VDAC3: variants seen among roughly 807,000 people sequenced by gnomAD.
VDAC3 encodes the protein non-selective voltage-gated ion channel VDAC3.
A neutral mutation model predicts 33.9 loss-of-function variants in VDAC3; 7 were observed. The observed-to-expected ratio is 0.21, with a 90% confidence interval of 0.12 to 0.39. The LOEUF (loss-of-function observed/expected upper bound fraction) is 0.39, where lower values mean the gene tolerates loss of function less well. Ranked by LOEUF, VDAC3 falls within the 10% of genes least tolerant of loss-of-function variation. The pLI is 1.00. For synonymous variants in VDAC3, 100 were observed against 122.4 expected, an observed-to-expected ratio of 0.82 and a Z score of 1.21; for missense variants, 261 against 334.5, an observed-to-expected ratio of 0.78 and a Z score of 1.71.
chr8:42,392,647 A>G (rs896094348), intron 1 of VDAC3, among the ~76,000 whole-genome samples: 3 of 152,254 alleles, frequency 2.0e-5, no homozygotes, highest in African/African-American at 7.2e-5. Context: ...TGACTTTTGC[A>G]TAGTATCTCG....
chr8:42,396,590 AT>A, intron 4 of VDAC3: 1 of 669,648 alleles, frequency 1.5e-6, no homozygotes, highest in Non-Finnish European at 2.7e-6. Flanking sequence ...AGGTTCCAGA[AT>A]TTGCTCATTA....
intron 7 of VDAC3, chr8:42,402,304 G>C: frequency 2.2e-6 from 1 of 456,774 alleles, no homozygotes; most frequent in Non-Finnish European, 3.9e-6. Context: ...CTTACCTCAT[G>C]GTAAGATGAC....
Position 42,395,078 on chromosome 8 carries a change from G to T in VDAC3, c.68-6G>T. ...TTACTGTGTTTTTGTGTGTGTGTGTGTATAGGCTTTGGCATGGTCAAGATA... is the reference window on the plus strand; with the variant it reads ...TTACTGTGTTTTTGTGTGTGTGTGTTTATAGGCTTTGGCATGGTCAAGATA... On this transcript the variant is annotated splice_region_variant and splice_polypyrimidine_tract_variant and intron_variant, in intron 3 of 9. Transcript: ENST00000022615. 1 of 1,613,888 alleles carries T rather than the reference G, an allele frequency of 6.2e-7. No homozygotes were observed. Among genetic ancestry groups the T allele is most frequent in the Non-Finnish European group, 8.5e-7 (1 of 1,179,916 alleles).
At chr8:42,404,606 C>T (rs1280431057) in intron 8 of VDAC3, among the ~76,000 whole-genome samples, 1 of 151,720 alleles carries the variant, frequency 6.6e-6, no homozygotes, top group African/African-American at 2.4e-5. Context: ...CCTGTAATCC[C>T]AGCTACTTGG....
chr8:42,405,461 A>G lies in VDAC3; in HGVS notation c.851A>G (p.Ter284=), dbSNP rs147177887. Residue 284 remains the stop codon, a stop_retained_variant, in exon 10 of 10, where the codon TAA becomes TGA. Transcript: ENST00000022615. ...KVGLGFELEA[*] Reference sequence around the variant, plus strand: ...GGCTTGGGATTTGAACTGGAAGCTTAATGTGGTTTGAGGAAAGCATCAGAT... The same window carrying G: ...GGCTTGGGATTTGAACTGGAAGCTTGATGTGGTTTGAGGAAAGCATCAGAT... The G allele has an allele frequency of 1.5e-4, 240 of 1,611,630 alleles. 1 individual carries two copies. In the East Asian group the frequency reaches 4.8e-3, roughly 32 times the overall value.
rs757881553 is a variant in VDAC3, at chr8:42,395,125, A to G, written c.109A>G (p.Ser37Gly). The change falls in exon 4 of 10, where the codon AGT (serine) becomes GGT (glycine). Residue 37 changes from serine to glycine, a missense_variant. Physicochemically the swap from Ser to Gly is moderately conservative, Grantham distance 56. Transcript: ENST00000022615. ...VKIDLKTKSC[S>G]GVEFSTSGHA... Reference sequence around the variant, plus strand: ...GATAGACCTGAAAACCAAGTCTTGTAGTGGAGTGGTGAGTATCTAATATAT... The same window carrying G: ...GATAGACCTGAAAACCAAGTCTTGTGGTGGAGTGGTGAGTATCTAATATAT... The G allele has an allele frequency of 3.1e-6, 5 of 1,613,796 alleles. No homozygotes were observed. Among genetic ancestry groups the G allele is most frequent in the Non-Finnish European group, 3.4e-6 (4 of 1,179,930 alleles).
chr8:42,400,399 T>A (rs1251808759), intron 6 of VDAC3, among the ~76,000 whole-genome samples: 1 of 152,046 alleles, frequency 6.6e-6, no homozygotes, highest in African/African-American at 2.4e-5. Flanking sequence ...AAAGTTAATT[T>A]CTTAAGAAGG....
rs1188904287 is a variant in VDAC3 at position 42,391,888 on chromosome 8, G to C, written c.-83G>C. 6.6e-6 allele frequency: 1 copy of C among 152,378 alleles called. No individual in the cohort carries two copies. The highest frequency in any genetic ancestry group is 1.5e-5 in the Non-Finnish European group (1 of 68,238). 9.4% of individuals were successfully genotyped at this position (152,378 alleles called of 1,614,324 possible). A position where few individuals can be genotyped will look rare whatever the true frequency, so the allele number is the denominator to read the frequency against. On this transcript the variant is annotated 5_prime_UTR_variant, in exon 1 of 10. Transcript: ENST00000022615. ...GACGGCGTTGGTTTGAAGACCTTCA[G>C]CGTTGCCCTGGCGGAGCAGAGACAG...
At chr8:42,393,915 C>T (rs2130885169) in intron 2 of VDAC3, 31 bp downstream of exon 2, 1 of 432,640 alleles carries the variant, frequency 2.3e-6, no homozygotes, top group South Asian at 6.7e-5. Flanking sequence ...TAAAAGAAGT[C>T]CAGTTTAACA....
At chr8:42,396,005 C>T (rs562678780) in intron 4 of VDAC3, among the ~76,000 whole-genome samples, 1 of 151,096 alleles carries the variant, frequency 6.6e-6, no homozygotes, top group Non-Finnish European at 1.5e-5. Flanking sequence ...CGCCTGTGAT[C>T]CCAGCACTTT....
chr8:42,401,714 T>G (rs1001971624), intron 6 of VDAC3, 74 bp from the exon 7 acceptor site: 2 of 1,363,818 alleles, frequency 1.5e-6, no homozygotes, highest in Admixed American at 1.8e-5. Flanking sequence ...AGGATCTTAC[T>G]CTAAAAATTC....
chr8:42,398,728 G>A lies in VDAC3; in HGVS notation c.134G>A (p.Gly45Asp), dbSNP rs781759525. Residue 45 changes from glycine to aspartate, a missense_variant, in exon 5 of 10, where the codon GGT (glycine) becomes GAT (aspartate). Coordinates refer to ENST00000022615, the MANE Select transcript of VDAC3 (RefSeq NM_005662.7). ...SCSGVEFSTS[G>D]HAYTDTGKAS... is the part of the protein sequence containing the mutation. ...GCTTACCAGGAATTTTCTACTTCTGGTCATGCTTACACTGATACAGGGAAA... is the reference window on the plus strand; with the variant it reads ...GCTTACCAGGAATTTTCTACTTCTGATCATGCTTACACTGATACAGGGAAA... 7 of 1,605,112 alleles carry A rather than the reference G, an allele frequency of 4.4e-6. No individual in the cohort carries two copies. The highest frequency in any genetic ancestry group is 5.1e-6 in the Non-Finnish European group (6 of 1,177,586).
At chr8:42,394,956 C>T (rs2130885761) in intron 3 of VDAC3, 128 bp from the exon 4 acceptor site, 1 of 1,014,934 alleles carries the variant, frequency 9.9e-7, no homozygotes, top group East Asian at 2.5e-5. Flanking sequence ...GGAACTCTCA[C>T]CCAATGAAAA....
chr8:42,400,989 A>G (rs770664267), intron 6 of VDAC3, among the ~76,000 whole-genome samples: 10 of 152,010 alleles, frequency 6.6e-5, no homozygotes, highest in Non-Finnish European at 1.3e-4. Context: ...AAGAGGCTTG[A>G]TTGGAATAGG....
chr8:42,405,265 A>C (rs1802480320), intron 9 of VDAC3, 106 bp from the exon 10 acceptor site: 1 of 875,660 alleles, frequency 1.1e-6, no homozygotes, highest in Non-Finnish European at 1.8e-6. Context: ...TATAGCTCGT[A>C]TACCCAGCTA....
chr8:42,394,799 C>G (rs985122042), intron 3 of VDAC3, among the ~76,000 whole-genome samples: 2 of 152,106 alleles, frequency 1.3e-5, no homozygotes, highest in Non-Finnish European at 2.9e-5. Flanking sequence ...TAGCAGCACA[C>G]TATTTTCAGC....
chr8:42,393,063 C>T (rs1029221495), intron 1 of VDAC3, among the ~76,000 whole-genome samples: 1 of 152,056 alleles, frequency 6.6e-6, no homozygotes, highest in Admixed American at 6.6e-5. Context: ...ACCGTTTCCT[C>T]TTTAATTTTT....
At chr8:42,395,969 A>G (rs1323626191) in intron 4 of VDAC3, among the ~76,000 whole-genome samples, 12 of 149,644 alleles carry the variant, frequency 8.0e-5, no homozygotes, top group Non-Finnish European at 1.8e-4. Context: ...AAAAAAAAAA[A>G]AAAAAAGGCC....
chr8:42,399,459 G>T, intron 5 of VDAC3, 192 bp from the exon 6 acceptor site: 1 of 449,946 alleles, frequency 2.2e-6, no homozygotes, highest in Non-Finnish European at 4.1e-6. Context: ...TTTTTAGTGG[G>T]AGAACCATGA....
Sources: allele counts gnomAD v4.1 joint callset (sites outside exome capture counted in the v4.1 genomes callset), GRCh38; gene constraint gnomAD v4.1.1; transcripts MANE v1.5; gene names NCBI Gene and HGNC (gene_info 2026-07-23, HGNC 2026-07-21).